The following AMY2B variants were observed in gnomAD, a reference collection of about 807,000 sequenced individuals.
AMY2B encodes alpha-amylase 2B.
A neutral mutation model predicts 59.3 loss-of-function variants in AMY2B; 63 were observed. The observed-to-expected ratio is 1.06, with a 90% confidence interval of 0.87 to 1.31. AMY2B has a LOEUF of 1.31. Ranked by LOEUF, AMY2B falls within the 50% of genes most tolerant of loss-of-function variation. The probability of loss-of-function intolerance (pLI) is 0.00; values close to 1 mark genes in which losing one functional copy is unlikely to be tolerated. For missense variants in AMY2B, 635 were observed against 626.7 expected, an observed-to-expected ratio of 1.01 and a Z score of -0.14; for synonymous variants, 180 against 198.1, an observed-to-expected ratio of 0.91 and a Z score of 0.77.
At position 103,572,110 on chromosome 1, in the gene AMY2B, G is replaced by A. The variant is rs779533970; in HGVS notation, c.169G>A (p.Val57Ile). The change falls in exon 2 of 10, where the codon GTC becomes ATC. Residue 57 changes from valine (V) to isoleucine (I), a missense_variant and splice_region_variant. Coordinates refer to ENST00000684275, the MANE Select transcript of AMY2B (RefSeq NM_001387437.1). The stretch of plus-strand genomic sequence containing the variant: ...GTTATGAAGACTGTTTAATTTGTAG[G>A]TCTCTCCACCAAATGAAAATGTTGC... The part of the protein sequence containing the change: ...LAPKGFGGVQ[V>I]SPPNENVAIH... 1.9e-6 allele frequency: 3 copies of A among 1,611,562 alleles called. No individual in the cohort carries two copies. The highest frequency in any genetic ancestry group is 1.3e-5 in the African/African-American group (1 of 74,928).
At position 103,573,270 on chromosome 1, in the gene AMY2B, T is replaced by C; in HGVS notation, c.513+10T>C. Reference sequence around the variant, plus strand: ...CAATGATGCTACTCAGGTAAATTTTTTTATGAGAGTCATCTGAATAAGGGG... The same window carrying C: ...CAATGATGCTACTCAGGTAAATTTTCTTATGAGAGTCATCTGAATAAGGGG... On this transcript the variant is annotated intron_variant, in intron 3 of 9. Coordinates refer to ENST00000684275, the MANE Select transcript of AMY2B (RefSeq NM_001387437.1). The C allele has an allele frequency of 6.2e-7, 1 of 1,613,546 alleles. No homozygotes were observed.
intron 1 of AMY2B, chr1:103,561,889 A>G (rs1238141936): frequency 2.6e-5 from 4 of 152,156 alleles, no homozygotes; most frequent in Admixed American, 6.6e-5. Context: ...GATTCCTTGT[A>G]CAAATCTGAT....
chr1:103,566,236 G>A (rs371182850), intron 2 of AMY2B, among the ~76,000 whole-genome samples: 1 of 152,086 alleles, frequency 6.6e-6, no homozygotes, highest in Non-Finnish European at 1.5e-5. Flanking sequence ...AAATCCTGAA[G>A]CACTTAATCG....
In AMY2B at chr1:103,573,872, G is replaced by A. The variant is rs1652237943; in HGVS notation, c.678G>A (p.Leu226=). 1.2e-6 allele frequency: 2 copies of A among 1,613,740 alleles called. No homozygotes were observed. Among genetic ancestry groups the A allele is most frequent in the Middle Eastern group, 1.7e-4 (1 of 6,050 alleles). ...HMWPGDIKAI[L]DKLHNLNSNW... Reference sequence around the variant, plus strand: ...GGCCTGGAGACATAAAGGCAATTTTGGACAAACTGCATAATCTAAACAGTA... The same window carrying A: ...GGCCTGGAGACATAAAGGCAATTTTAGACAAACTGCATAATCTAAACAGTA... Residue 226 remains leucine, a synonymous_variant, in exon 4 of 10, where the codon TTG becomes TTA. Coordinates refer to ENST00000684275, the MANE Select transcript of AMY2B (RefSeq NM_001387437.1).
At chr1:103,571,587 A>G (rs761132097), upstream of AMY2B, 4 of 1,610,144 alleles carry the variant, frequency 2.5e-6, no homozygotes, top group South Asian at 4.4e-5. Flanking sequence ...AAGGACACTG[A>G]CAACTTCAAA....
At chr1:103,558,762 G>GAA (rs781030633) in intron 1 of AMY2B, among the ~76,000 whole-genome samples, 9 of 74,142 alleles carry the variant, frequency 1.2e-4, no homozygotes, top group South Asian at 4.6e-4. Flanking sequence ...GACCCCAACT[G>GAA]AAAAAAAAAA....
intron 7 of AMY2B, among the ~76,000 whole-genome samples, chr1:103,576,754 A>G (rs1382281275): frequency 6.6e-6 from 1 of 152,230 alleles, no homozygotes; most frequent in Non-Finnish European, 1.5e-5. Context: ...CACATATATT[A>G]CTTAATTTTT....
At chr1:103,561,720 G>A (rs1651741105) in intron 1 of AMY2B, 1 of 151,822 alleles carries the variant, frequency 6.6e-6, no homozygotes, top group African/African-American at 2.4e-5. Context: ...ATTGCGAGAG[G>A]ATATTGTAGA....
chr1:103,566,195 C>T (rs1651905617), intron 2 of AMY2B, among the ~76,000 whole-genome samples: 1 of 152,130 alleles, frequency 6.6e-6, no homozygotes, highest in Admixed American at 6.6e-5. Context: ...CCCTTATTCC[C>T]ATCTGTCAGA....
At chr1:103,571,549 T>C (rs1254034345), upstream of AMY2B, 321 of 1,591,458 alleles carry the variant, frequency 2.0e-4, no homozygotes, top group Non-Finnish European at 2.6e-4. Context: ...AAAATGTGCT[T>C]CTTACAGGAA....
At chr1:103,556,126 G>T (rs931509593) in intron 1 of AMY2B, among the ~76,000 whole-genome samples, 12 of 152,122 alleles carry the variant, frequency 7.9e-5, no homozygotes, top group Admixed American at 7.9e-4. Context: ...AAGGATTAAG[G>T]AAGGAAAAGG....
chr1:103,571,453 T>C, upstream of AMY2B: 1 of 1,456,522 alleles, frequency 6.9e-7, no homozygotes, highest in Non-Finnish European at 9.3e-7. Flanking sequence ...GTTCTTCTCC[T>C]GTTAGGATTA....
chr1:103,560,128 A>G (rs1432626003), intron 1 of AMY2B, among the ~76,000 whole-genome samples: 1 of 152,162 alleles, frequency 6.6e-6, no homozygotes, highest in Non-Finnish European at 1.5e-5. Flanking sequence ...TGTTCTCCGT[A>G]TGTGCATTTG....
chr1:103,566,769 T>C (rs1182081882), upstream of AMY2B, among the ~76,000 whole-genome samples: 1 of 152,176 alleles, frequency 6.6e-6, no homozygotes, highest in African/African-American at 2.4e-5. Context: ...TGTCTGGGCC[T>C]TAGTTCCAAC....
At chr1:103,556,545 A>G (rs1321885878) in intron 1 of AMY2B, among the ~76,000 whole-genome samples, 2 of 151,650 alleles carry the variant, frequency 1.3e-5, no homozygotes, top group Non-Finnish European at 2.9e-5. Flanking sequence ...TGAAATTGAA[A>G]TTAGAGTATA....
Position 103,572,134 on chromosome 1 carries a change from G to T in AMY2B, c.193G>T (p.Ala65Ser), listed in dbSNP as rs201971305. The T allele has an allele frequency of 1.8e-5, 29 of 1,611,490 alleles. No homozygotes were observed. Among genetic ancestry groups the T allele is most frequent in the Non-Finnish European group, 2.4e-5 (28 of 1,179,690 alleles). ...GGTCTCTCCACCAAATGAAAATGTT[G>T]CAATTCACAACCCTTTCAGACCTTG... ...VQVSPPNENV[A>S]IHNPFRPWWE... The change falls in exon 2 of 10, where the codon GCA (alanine) becomes TCA (serine). Residue 65 changes from alanine to serine, a missense_variant. Ala to Ser is a moderately conservative substitution (Grantham distance 99, BLOSUM62 1). Transcript: ENST00000684275.
upstream of AMY2B, chr1:103,569,328 G>GTA (rs374957903): frequency 3.2e-3 from 460 of 145,410 alleles, no homozygotes; most frequent in Non-Finnish European, 5.5e-3. Context: ...GTGTGTTTGT[G>GTA]TATATATATA....
chr1:103,576,999 T>G (rs1346111401), intron 7 of AMY2B, among the ~76,000 whole-genome samples: 2 of 152,118 alleles, frequency 1.3e-5, no homozygotes, highest in African/African-American at 4.8e-5. Context: ...ACTTGGCGAG[T>G]CCAGGCGAGA....
rs1476312476 is a variant in AMY2B, at chr1:103,575,311, G to A, written c.967G>A (p.Gly323Arg). 1.9e-6 allele frequency: 3 copies of A among 1,613,526 alleles called. No individual in the cohort carries two copies. The Admixed American group carries it at 5.0e-5, about 27-fold the overall frequency. ...TGACAATCAACGAGGACATGGGGCTGGAGGAGCCTCTATTCTTACCTTCTG... is the reference window on the plus strand; with the variant it reads ...TGACAATCAACGAGGACATGGGGCTAGAGGAGCCTCTATTCTTACCTTCTG... ...NHDNQRGHGAGGASILTFWDA... is the reference protein window; with the variant it reads ...NHDNQRGHGARGASILTFWDA... Residue 323 changes from glycine (G) to arginine (R), a missense_variant, in exon 6 of 10, where the codon GGA (glycine) becomes AGA (arginine). Transcript: ENST00000684275.
Sources: gnomAD v4.1 joint callset for allele counts (sites outside exome capture counted in the v4.1 genomes callset) on GRCh38, gnomAD v4.1.1 for gene constraint, MANE v1.5 for transcripts, NCBI Gene and HGNC (gene_info 2026-07-23, HGNC 2026-07-21) for gene names.